Variants in TRPC4 observed in about 807,000 individuals in gnomAD.
TRPC4 encodes the protein short transient receptor potential channel 4.
A neutral mutation model predicts 99.4 loss-of-function variants in TRPC4; 49 were observed. The ratio of observed to expected loss-of-function variants is 0.49; its 90% CI spans 0.39 to 0.63. The LOEUF (loss-of-function observed/expected upper bound fraction) is 0.63. Ranked by LOEUF, TRPC4 falls within the 20% of genes least tolerant of loss-of-function variation. The pLI, the probability that TRPC4 is intolerant of heterozygous loss-of-function variation, is 0.00. For synonymous variants in TRPC4, 454 were observed against 425.9 expected (o/e 1.07, Z -0.81); for missense variants, 898 against 1,152.9 (o/e 0.78, Z 3.20).
chr13:37,831,584 T>C (rs1004308353), intron 1 of TRPC4, among the ~76,000 whole-genome samples: 1 of 152,190 alleles, frequency 6.6e-6, no homozygotes. Flanking sequence ...TGCCTTCCCA[T>C]GTTCATTACA....
At chr13:37,816,779 A>G (rs1957868247) in intron 1 of TRPC4, among the ~76,000 whole-genome samples, 1 of 152,062 alleles carries the variant, frequency 6.6e-6, no homozygotes, top group Admixed American at 6.6e-5. Flanking sequence ...AAACCACATA[A>G]TTATCTCAAT....
At chr13:37,860,316 T>C (rs1279948852) in intron 1 of TRPC4, among the ~76,000 whole-genome samples, 2 of 151,308 alleles carry the variant, frequency 1.3e-5, no homozygotes, top group Non-Finnish European at 3.0e-5. Flanking sequence ...GAGCACTCAT[T>C]TTAGTGTAAA....
intron 1 of TRPC4, among the ~76,000 whole-genome samples, chr13:37,847,777 A>T (rs759452083): frequency 3.3e-5 from 5 of 152,110 alleles, no homozygotes; most frequent in Admixed American, 2.0e-4. Context: ...TCATTTATAG[A>T]TGGATAAAGT....
intron 1 of TRPC4, among the ~76,000 whole-genome samples, chr13:37,791,919 A>T (rs893624309): frequency 1.3e-5 from 2 of 152,178 alleles, no homozygotes; most frequent in African/African-American, 4.8e-5. Flanking sequence ...CAGGAGTGCG[A>T]TGACTAAAGG....
intron 4 of TRPC4, among the ~76,000 whole-genome samples, chr13:37,677,533 T>G (rs1259156436): frequency 2.6e-5 from 4 of 152,106 alleles, no homozygotes; most frequent in Non-Finnish European, 2.9e-5. Flanking sequence ...TAGATGTATT[T>G]CAGAAGAAGC....
chr13:37,710,457 G>C (rs913341237), intron 3 of TRPC4, among the ~76,000 whole-genome samples: 29 of 151,802 alleles, frequency 1.9e-4, no homozygotes, highest in Non-Finnish European at 8.8e-5. Context: ...TTTTAAGAGG[G>C]TGTTATTACC....
At chr13:37,742,956 T>A (rs1397539642) in intron 3 of TRPC4, among the ~76,000 whole-genome samples, 1 of 152,300 alleles carries the variant, frequency 6.6e-6, no homozygotes, top group African/African-American at 2.4e-5. Flanking sequence ...AATGTTATTT[T>A]GCTTTGGGAA....
At chr13:37,651,532 T>G in intron 7 of TRPC4, 73 bp from the exon 8 acceptor site, 1 of 1,394,968 alleles carries the variant, frequency 7.2e-7, no homozygotes, top group Non-Finnish European at 1.0e-6. Flanking sequence ...ACAGAGATCC[T>G]GTAACCTGAC....
chr13:37,659,865 A>C (rs1450914760), intron 6 of TRPC4, among the ~76,000 whole-genome samples: 2 of 152,174 alleles, frequency 1.3e-5, no homozygotes, highest in African/African-American at 4.8e-5. Flanking sequence ...GATTGTGGTG[A>C]TGTTGACTAA....
intron 1 of TRPC4, among the ~76,000 whole-genome samples, chr13:37,799,751 C>T (rs1049241618): frequency 6.6e-6 from 1 of 152,190 alleles, no homozygotes; most frequent in East Asian, 1.9e-4. Flanking sequence ...AAACTAAATG[C>T]ACAACCCAAG....
intron 7 of TRPC4, 107 bp downstream of exon 7, chr13:37,654,981 C>A: frequency 1.1e-6 from 1 of 900,278 alleles, no homozygotes; most frequent in Non-Finnish European, 1.5e-6. Context: ...TCTGTCTAAT[C>A]AATAGCTAAT....
intron 2 of TRPC4, among the ~76,000 whole-genome samples, chr13:37,765,504 G>A (rs117561236): frequency 0.019 from 2,895 of 151,378 alleles, 53 homozygotes; most frequent in Admixed American, 0.033. Context: ...AGATTTTAAA[G>A]TCTTTTGAAC....
At chr13:37,676,596 C>A (rs1197736011) in intron 4 of TRPC4, among the ~76,000 whole-genome samples, 1 of 152,054 alleles carries the variant, frequency 6.6e-6, no homozygotes, top group Non-Finnish European at 1.5e-5. Flanking sequence ...TGGTCTCGAT[C>A]TCCTAACCTC....
intron 1 of TRPC4, 107 bp from the exon 2 acceptor site, chr13:37,783,467 T>C (rs916016372): frequency 2.6e-6 from 2 of 760,980 alleles, no homozygotes; most frequent in Non-Finnish European, 3.7e-6. Flanking sequence ...ACAATACCAT[T>C]ATTAGTAACT....
chr13:37,645,844 T>G (rs1192418204), intron 8 of TRPC4, among the ~76,000 whole-genome samples: 1 of 152,256 alleles, frequency 6.6e-6, no homozygotes, highest in Non-Finnish European at 1.5e-5. Flanking sequence ...GAACTCACTC[T>G]TGAAATACCA....
At chr13:37,818,174 A>G (rs1566193781) in intron 1 of TRPC4, among the ~76,000 whole-genome samples, 1 of 134,244 alleles carries the variant, frequency 7.4e-6, no homozygotes, top group Non-Finnish European at 1.6e-5. Flanking sequence ...ATTTCAAGAA[A>G]AAAAATAAAA....
At chr13:37,677,102 A>G (rs1031456335) in intron 4 of TRPC4, among the ~76,000 whole-genome samples, 2 of 152,104 alleles carry the variant, frequency 1.3e-5, no homozygotes, top group Non-Finnish European at 2.9e-5. Context: ...GCCTCCCGTC[A>G]TAAGGTTCTT....
intron 3 of TRPC4, among the ~76,000 whole-genome samples, chr13:37,729,230 C>T (rs769806246): frequency 1.6e-4 from 25 of 152,008 alleles, no homozygotes; most frequent in Admixed American, 3.9e-4. Flanking sequence ...TGCAAAGAGG[C>T]TCGACATCAT....
intron 3 of TRPC4, among the ~76,000 whole-genome samples, chr13:37,728,160 T>C (rs759670651): frequency 1.1e-4 from 16 of 151,846 alleles, no homozygotes; most frequent in Non-Finnish European, 2.1e-4. Flanking sequence ...TCACTGCTTC[T>C]ATTCAACATA....
Sources: gnomAD v4.1 joint callset for allele counts (sites outside exome capture counted in the v4.1 genomes callset) on GRCh38, gnomAD v4.1.1 for gene constraint, MANE v1.5 for transcripts, NCBI Gene and HGNC (gene_info 2026-07-23, HGNC 2026-07-21) for gene names.